Variants in FGF14 observed in about 807,000 individuals in gnomAD.
FGF14 encodes fibroblast growth factor 14, also known as fibroblast growth factor homologous factor 4.
FGF14 carries 5 observed loss-of-function variants against 25.5 expected under a neutral mutation model. The ratio of observed to expected loss-of-function variants is 0.20; its 90% CI spans 0.10 to 0.41. The LOEUF (loss-of-function observed/expected upper bound fraction) is 0.41, where lower values mean the gene tolerates loss of function less well. Ranked by LOEUF, FGF14 falls within the 10% of genes least tolerant of loss-of-function variation. The probability of loss-of-function intolerance (pLI) is 1.00; values close to 1 mark genes in which losing one functional copy is unlikely to be tolerated. For missense variants in FGF14, 222 were observed against 320.1 expected (o/e 0.69, Z 2.34); for synonymous variants, 138 against 118.3 (o/e 1.17, Z -1.08).
intron 1 of FGF14, among the ~76,000 whole-genome samples, chr13:102,204,820 G>A (rs1464603924): frequency 6.6e-6 from 1 of 151,960 alleles, no homozygotes; most frequent in East Asian, 1.9e-4. Flanking sequence ...GCTAGGATTG[G>A]TGCAAGGATC....
rs779180369 is a variant in FGF14 at position 102,302,896 on chromosome 13, T to C, written c.208+98575A>G. ...ATCTATTCCTACACAATAGCCAGAG[T>C]GGTCCTTATAAAACATAAGTCAGAT... On this transcript the variant is annotated intron_variant, in intron 1 of 4. Coordinates refer to the FGF14 transcript ENST00000376131. Among the ~76,000 whole-genome samples, 3 of 152,096 alleles carry C rather than the reference T, an allele frequency of 2.0e-5. No homozygotes were observed. In the South Asian group the frequency reaches 6.2e-4, roughly 32 times the overall value.
intron 1 of FGF14, among the ~76,000 whole-genome samples, chr13:101,904,179 C>T (rs2031941521): frequency 6.6e-6 from 1 of 152,130 alleles, no homozygotes; most frequent in South Asian, 2.1e-4. Context: ...GTTTTCCAGC[C>T]AGTTTGTGGG....
At chr13:101,733,611 A>AG (rs1308149987) in intron 3 of FGF14, among the ~76,000 whole-genome samples, 3 of 71,574 alleles carry the variant, frequency 4.2e-5, no homozygotes, top group Admixed American at 1.3e-4. Context: ...AAAAAAAAAA[A>AG]AGAGAGAGAG....
At chr13:101,797,735 ATGTGTGTGTGTGTGTGTGTG>A (rs1555384521) in intron 3 of FGF14, among the ~76,000 whole-genome samples, 2 of 33,998 alleles carry the variant, frequency 5.9e-5, no homozygotes, top group Non-Finnish European at 1.0e-4. Context: ...TCATGAATTG[ATGTGTGTGTGTGTGTGTGTG>A]TGTGTGTGTG....
At chr13:101,727,008 G>C (rs552291273) in intron 3 of FGF14, among the ~76,000 whole-genome samples, 198 bp from the exon 4 acceptor site, 13 of 151,902 alleles carry the variant, frequency 8.6e-5, no homozygotes, top group Admixed American at 5.3e-4. Context: ...TACTATTATT[G>C]AAAATATATA....
chr13:102,051,618 G>A (rs1446864659), intron 1 of FGF14, among the ~76,000 whole-genome samples: 1 of 152,132 alleles, frequency 6.6e-6, no homozygotes, highest in East Asian at 1.9e-4. Context: ...GCACAGTGTT[G>A]GCTGCTGAGG....
At chr13:101,970,933 T>C (rs982717958) in intron 1 of FGF14, among the ~76,000 whole-genome samples, 26 of 152,278 alleles carry the variant, frequency 1.7e-4, no homozygotes, top group African/African-American at 5.5e-4. Context: ...CTCAAAATGA[T>C]ATTTAAGAGT....
chr13:101,876,345 C>T (rs142110416), intron 1 of FGF14, among the ~76,000 whole-genome samples: 1 of 152,202 alleles, frequency 6.6e-6, no homozygotes, highest in African/African-American at 2.4e-5. Context: ...CATGCTAATG[C>T]AATCCGCTGT....
chr13:101,725,622 C>T (rs2035368176), intron 4 of FGF14, among the ~76,000 whole-genome samples: 1 of 151,958 alleles, frequency 6.6e-6, no homozygotes, highest in South Asian at 2.1e-4. Flanking sequence ...AGAGAATATG[C>T]ATTATGAAAA....
intron 1 of FGF14, among the ~76,000 whole-genome samples, chr13:102,090,005 T>C (rs953967374): frequency 6.6e-6 from 1 of 152,222 alleles, no homozygotes. Flanking sequence ...GAAGCTTAAA[T>C]GGCAACAGAC....
intron 1 of FGF14, among the ~76,000 whole-genome samples, chr13:102,301,826 TCACACACACACACACA>T (rs3066038): frequency 1.2e-4 from 17 of 139,978 alleles, no homozygotes; most frequent in African/African-American, 2.9e-4. Flanking sequence ...TTCCTGTACT[TCACACACACACACACA>T]CACACACACA....
rs1269681335 is a variant in FGF14 at position 102,310,696 on chromosome 13, T to TGTGTGG, written c.208+90774_208+90775insCCACAC. ...CTCTCTCTCTCTCTCTGTGTGTGTG[T>TGTGTGG]GGGGGGGGGGGGGTGGGGGTTGTTT... On this transcript the variant is annotated intron_variant, in intron 1 of 4. Coordinates refer to the FGF14 transcript ENST00000376131. Among the ~76,000 whole-genome samples the TGTGTGG allele has an allele frequency of 3.2e-3, 11 of 3,476 alleles. 1 individual carries two copies. The highest frequency in any genetic ancestry group is 0.5 in the Middle Eastern group (1 of 2). 2.3% of individuals were successfully genotyped at this position (3,476 alleles called of 152,430 possible). A position where few individuals can be genotyped will look rare whatever the true frequency, so the allele number is the denominator to read the frequency against.
At chr13:102,000,222 G>A (rs1377842128) in intron 1 of FGF14, among the ~76,000 whole-genome samples, 4 of 152,184 alleles carry the variant, frequency 2.6e-5, no homozygotes, top group Non-Finnish European at 2.9e-5. Flanking sequence ...AGGAGGCTGA[G>A]ACAGGAGAAT....
chr13:102,093,706 C>G (rs2044267120), intron 1 of FGF14, among the ~76,000 whole-genome samples: 1 of 151,662 alleles, frequency 6.6e-6, no homozygotes, highest in Admixed American at 6.6e-5. Flanking sequence ...AGAGAAAAGT[C>G]ATGACATTAC....
chr13:101,845,924 A>C (rs2043433354), intron 3 of FGF14, among the ~76,000 whole-genome samples: 1 of 152,030 alleles, frequency 6.6e-6, no homozygotes, highest in Non-Finnish European at 1.5e-5. Flanking sequence ...TCATATGTAT[A>C]GTGAACATAT....
intron 1 of FGF14, among the ~76,000 whole-genome samples, chr13:101,981,565 A>G (rs2038267644): frequency 6.6e-6 from 1 of 152,196 alleles, no homozygotes; most frequent in Non-Finnish European, 1.5e-5. Flanking sequence ...ATACTAGTAA[A>G]GTAAGCCATC....
chr13:101,928,751 C>A (rs1453958685), intron 1 of FGF14, among the ~76,000 whole-genome samples: 2 of 152,162 alleles, frequency 1.3e-5, no homozygotes, highest in Non-Finnish European at 2.9e-5. Context: ...GTGCCAGGAC[C>A]TCTCCATCAC....
At chr13:102,240,937 A>C (rs2141027252) in intron 1 of FGF14, among the ~76,000 whole-genome samples, 1 of 152,274 alleles carries the variant, frequency 6.6e-6, no homozygotes, top group East Asian at 1.9e-4. Flanking sequence ...TCAAATCATT[A>C]GGAGAAAAGG....
upstream of FGF14, among the ~76,000 whole-genome samples, chr13:101,917,309 C>A (rs1465259118): frequency 6.6e-6 from 1 of 152,136 alleles, no homozygotes; most frequent in Non-Finnish European, 1.5e-5. Flanking sequence ...CCCCCTCCAC[C>A]TATGTGGTCC....
Sources: allele counts gnomAD v4.1 joint callset (sites outside exome capture counted in the v4.1 genomes callset), GRCh38; gene constraint gnomAD v4.1.1; transcripts MANE v1.5; gene names NCBI Gene and HGNC (gene_info 2026-07-23, HGNC 2026-07-21).